Variants in RALY observed in about 807,000 individuals in gnomAD.
RALY encodes the protein RALY heterogeneous nuclear ribonucleoprotein.
A neutral mutation model predicts 30.7 loss-of-function variants in RALY; 15 were observed. The observed-to-expected ratio is 0.49, with a 90% CI of 0.33 to 0.75. RALY has a LOEUF of 0.75. Ranked by LOEUF, RALY falls within the 30% of genes least tolerant of loss-of-function variation. The pLI is 0.02. For missense variants in RALY, 339 were observed against 414.3 expected (o/e 0.82, Z 1.58); for synonymous variants, 177 against 170.8 (o/e 1.04, Z -0.28).
rs187783163 is a variant in RALY, at chr20:34,067,325, G to A, written c.-9-4741G>A. On this transcript the variant is annotated intron_variant, in intron 2 of 9. Coordinates refer to ENST00000246194, the MANE Select transcript of RALY (RefSeq NM_016732.3). ...ATTACAGACATCTGCCACCATGCCCGGCTAATTTTTTTTTTTTTAAAGTAG... is the reference window on the plus strand; with the variant it reads ...ATTACAGACATCTGCCACCATGCCCAGCTAATTTTTTTTTTTTTAAAGTAG... Among the ~76,000 whole-genome samples, 6 of 152,116 alleles carry A rather than the reference G, an allele frequency of 3.9e-5. No homozygotes were observed. The East Asian group carries it at 9.7e-4, about 25-fold the overall frequency.
intron 2 of RALY, among the ~76,000 whole-genome samples, chr20:34,040,036 A>T (rs1271205651): frequency 6.6e-6 from 1 of 151,986 alleles, no homozygotes; most frequent in East Asian, 1.9e-4. Context: ...GCTTGAACCC[A>T]GGAGGCGGAG....
intron 2 of RALY, among the ~76,000 whole-genome samples, chr20:34,063,766 A>G (rs1002504052): frequency 1.3e-5 from 2 of 152,154 alleles, no homozygotes; most frequent in African/African-American, 4.8e-5. Flanking sequence ...CATTTTGTAT[A>G]TTGTTCCTCC....
intron 1 of RALY, among the ~76,000 whole-genome samples, chr20:33,995,409 A>C (rs1474097049): frequency 6.6e-6 from 1 of 152,078 alleles, no homozygotes; most frequent in African/African-American, 2.4e-5. Context: ...TCCTAGTTTG[A>C]TGGGGGTTAG....
Position 34,054,558 on chromosome 20 carries a change from G to T in RALY, c.-9-17508G>T, listed in dbSNP as rs2033180452. Reference sequence around the variant, plus strand: ...AATTGGTTGCAGGCTGGGCATGGTGGCTCAAGCCTGTAATCCCAGCACTTC... The same window carrying T: ...AATTGGTTGCAGGCTGGGCATGGTGTCTCAAGCCTGTAATCCCAGCACTTC... On this transcript the variant is annotated intron_variant, in intron 2 of 9. Coordinates refer to ENST00000246194, the MANE Select transcript of RALY (RefSeq NM_016732.3). Among the ~76,000 whole-genome samples, 3 of 152,222 alleles carry T rather than the reference G, an allele frequency of 2.0e-5. No homozygotes were observed. In the South Asian group the frequency reaches 6.2e-4, roughly 31 times the overall value.
intron 1 of RALY, among the ~76,000 whole-genome samples, chr20:34,028,425 C>T (rs1465731934): frequency 6.6e-5 from 10 of 151,940 alleles, no homozygotes; most frequent in African/African-American, 1.9e-4. Context: ...AATGAATATA[C>T]CCACAAGCCG....
intron 2 of RALY, among the ~76,000 whole-genome samples, chr20:34,049,595 G>T (rs966830753): frequency 1.3e-5 from 2 of 152,234 alleles, no homozygotes; most frequent in African/African-American, 4.8e-5. Flanking sequence ...ACTGTCCTAT[G>T]TAGCTGGTAA....
At chr20:34,052,667 G>A (rs941403373) in intron 2 of RALY, among the ~76,000 whole-genome samples, 2 of 152,182 alleles carry the variant, frequency 1.3e-5, no homozygotes, top group African/African-American at 4.8e-5. Context: ...GAAGGACCAG[G>A]GGTCAAGTAA....
chr20:34,026,826 C>T (rs1233066055), intron 1 of RALY, among the ~76,000 whole-genome samples: 4 of 152,160 alleles, frequency 2.6e-5, no homozygotes, highest in Non-Finnish European at 5.9e-5. Flanking sequence ...CTTAAGCCAA[C>T]AGATTAGTAG....
intron 2 of RALY, among the ~76,000 whole-genome samples, chr20:34,039,942 C>T (rs1338564253): frequency 6.6e-6 from 1 of 152,106 alleles, no homozygotes; most frequent in Non-Finnish European, 1.5e-5. Flanking sequence ...GAAACCCCGT[C>T]TCTACTAAAA....
intron 1 of RALY, among the ~76,000 whole-genome samples, chr20:33,999,135 A>T (rs1349093016): frequency 6.6e-6 from 1 of 151,736 alleles, no homozygotes; most frequent in Admixed American, 6.6e-5. Context: ...AAAAAAAAAA[A>T]AAAAAAGGAA....
At chr20:34,035,542 A>G (rs1337804212) in intron 2 of RALY, among the ~76,000 whole-genome samples, 1 of 152,030 alleles carries the variant, frequency 6.6e-6, no homozygotes, top group African/African-American at 2.4e-5. Flanking sequence ...ATGATATCCT[A>G]CATTGGCTCT....
At chr20:34,022,029 A>G (rs1321235766) in intron 1 of RALY, among the ~76,000 whole-genome samples, 2 of 150,104 alleles carry the variant, frequency 1.3e-5, no homozygotes, top group Non-Finnish European at 3.0e-5. Context: ...AAGTGCTGGG[A>G]TTACAGGCAT....
intron 2 of RALY, among the ~76,000 whole-genome samples, chr20:34,044,203 A>G (rs1050673536): frequency 1.3e-5 from 2 of 152,210 alleles, no homozygotes; most frequent in African/African-American, 4.8e-5. Context: ...TGAAGGACAT[A>G]ATATTGGAGG....
chr20:34,069,964 A>G (rs2122275978), intron 2 of RALY, among the ~76,000 whole-genome samples: 2 of 152,240 alleles, frequency 1.3e-5, no homozygotes, highest in East Asian at 3.9e-4. Context: ...TAACCCTGGG[A>G]GCAGTTTCTT....
rs1207038438 is a variant in RALY, at chr20:34,078,546, G to A, written c.918G>A (p.Gln306=). The change falls in exon 9 of 10, where the codon CAG becomes CAA. Residue 306 remains glutamine, a synonymous_variant. Coordinates refer to ENST00000246194, the MANE Select transcript of RALY (RefSeq NM_016732.3). ...CAGACGCGGATGATGGGGCCTTGCA[G>A]TAAGCAGGTACAGGGGTCCTGTCCT... is the stretch of plus-strand genomic sequence containing the variant. ...QDTDADDGAL[Q] 1 of 1,586,628 alleles carries A rather than the reference G, an allele frequency of 6.3e-7. No homozygotes were observed. The highest frequency in any genetic ancestry group is 8.6e-7 in the Non-Finnish European group (1 of 1,166,462).
At chr20:34,051,806 C>G (rs960533705) in intron 2 of RALY, among the ~76,000 whole-genome samples, 2 of 152,102 alleles carry the variant, frequency 1.3e-5, no homozygotes, top group East Asian at 1.9e-4. Flanking sequence ...GGGTTTTCAC[C>G]GTGTTTGCCA....
chr20:34,071,977 G>A, intron 2 of RALY, 89 bp from the exon 3 acceptor site: 3 of 1,416,804 alleles, frequency 2.1e-6, no homozygotes, highest in Middle Eastern at 1.8e-4. Context: ...AGGAAGGTAA[G>A]AGGCAATTCA....
At chr20:34,008,758 A>C (rs1021709829) in intron 1 of RALY, among the ~76,000 whole-genome samples, 1 of 152,160 alleles carries the variant, frequency 6.6e-6, no homozygotes, top group Admixed American at 6.5e-5. Context: ...TCTTAGGCTT[A>C]AGCTATCCTC....
chr20:34,064,134 G>A (rs776345489), intron 2 of RALY, among the ~76,000 whole-genome samples: 19 of 152,234 alleles, frequency 1.2e-4, no homozygotes, highest in Non-Finnish European at 2.6e-4. Context: ...AAATAAAGAG[G>A]TTGACAATCA....
Sources: allele counts gnomAD v4.1 joint callset (sites outside exome capture counted in the v4.1 genomes callset), GRCh38; gene constraint gnomAD v4.1.1; transcripts MANE v1.5; gene names NCBI Gene and HGNC (gene_info 2026-07-23, HGNC 2026-07-21).